The following FAM13A variants were observed in gnomAD, a reference collection of about 807,000 sequenced individuals.
The protein encoded by FAM13A is protein FAM13A.
A neutral mutation model predicts 129.6 loss-of-function variants in FAM13A; 76 were observed. The ratio of observed to expected loss-of-function variants is 0.59; its 90% confidence interval spans 0.49 to 0.71. FAM13A has a LOEUF of 0.71. Among genes scored for constraint, FAM13A ranks in the 30% least tolerant of loss-of-function variants. FAM13A has a pLI of 0.00. For synonymous variants in FAM13A, 443 were observed against 449.9 expected (o/e 0.98, Z 0.20); for missense variants, 1,108 against 1,249.3 (o/e 0.89, Z 1.70).
At chr4:88,949,785 C>G (rs1269026077) in intron 4 of FAM13A, among the ~76,000 whole-genome samples, 1 of 152,146 alleles carries the variant, frequency 6.6e-6, no homozygotes, top group African/African-American at 2.4e-5. Flanking sequence ...TCCAGGAACT[C>G]AATTTATATT....
At chr4:88,823,095 T>C in intron 7 of FAM13A, 1 of 1,590,724 alleles carries the variant, frequency 6.3e-7, no homozygotes, top group Admixed American at 1.8e-5. Context: ...TTACAGTGGC[T>C]AAGCTGGGTT....
intron 3 of FAM13A, among the ~76,000 whole-genome samples, chr4:89,002,852 T>C (rs1181654082): frequency 2.0e-5 from 3 of 151,998 alleles, no homozygotes; most frequent in African/African-American, 7.3e-5. Context: ...GAGTATGGTG[T>C]TTTGCAAGAG....
Position 88,726,292 on chromosome 4 carries a change from A to G in FAM13A, c.*2241T>C, listed in dbSNP as rs916857981. 1.5e-5 allele frequency: 2 copies of G among 130,586 alleles called. No homozygotes were observed. The highest frequency in any genetic ancestry group is 6.4e-5 in the African/African-American group (2 of 31,466). The allele number at this position is 130,586 out of a possible 1,614,324, so 8.1% of individuals were successfully genotyped here. On this transcript the variant is annotated 3_prime_UTR_variant, in exon 24 of 24. Coordinates refer to ENST00000264344, the MANE Select transcript of FAM13A (RefSeq NM_014883.4). ...CATTTCTTCTGGGCTCCATTCCATG[A>G]AGAATATAAGTTAGTTAGTTAGTTA...
At chr4:89,031,261 C>T (rs555473836) in intron 1 of FAM13A, among the ~76,000 whole-genome samples, 5 of 151,880 alleles carry the variant, frequency 3.3e-5, no homozygotes, top group African/African-American at 1.2e-4. Flanking sequence ...CCAGTAATAA[C>T]AAAACTTAAA....
At chr4:88,763,788 C>A (rs73844103) in intron 13 of FAM13A, among the ~76,000 whole-genome samples, 1 of 152,110 alleles carries the variant, frequency 6.6e-6, no homozygotes, top group African/African-American at 2.4e-5. Context: ...CAATATTAAC[C>A]GAAGAACTAC....
chr4:88,822,067 TATTTG>T (rs1170666366), intron 7 of FAM13A, among the ~76,000 whole-genome samples: 2 of 152,250 alleles, frequency 1.3e-5, no homozygotes, highest in African/African-American at 4.8e-5. Flanking sequence ...CCACATTTAC[TATTTG>T]ATTTAAAATT....
intron 4 of FAM13A, among the ~76,000 whole-genome samples, chr4:88,939,395 T>C (rs1306713003): frequency 6.6e-6 from 1 of 152,144 alleles, no homozygotes; most frequent in Non-Finnish European, 1.5e-5. Context: ...ACCCCATTCT[T>C]ATAAGGATAC....
At chr4:88,913,185 AGGAG>A (rs765167837) in intron 5 of FAM13A, among the ~76,000 whole-genome samples, 10 of 139,460 alleles carry the variant, frequency 7.2e-5, no homozygotes, top group Non-Finnish European at 1.6e-4. Flanking sequence ...GAAGAAGTGG[AGGAG>A]GAAGAGGAAG....
At chr4:88,846,291 T>C (rs1736630973) in intron 7 of FAM13A, among the ~76,000 whole-genome samples, 1 of 152,222 alleles carries the variant, frequency 6.6e-6, no homozygotes, top group East Asian at 1.9e-4. Context: ...TTCCAAGATG[T>C]TTCAGCTTCT....
chr4:88,909,244 A>G (rs1278257916), intron 5 of FAM13A, among the ~76,000 whole-genome samples: 3 of 152,190 alleles, frequency 2.0e-5, no homozygotes, highest in Non-Finnish European at 4.4e-5. Flanking sequence ...TAGTCACATA[A>G]TAGAATATTC....
intron 4 of FAM13A, among the ~76,000 whole-genome samples, chr4:88,973,492 T>C (rs1293051535): frequency 6.6e-6 from 1 of 152,210 alleles, no homozygotes; most frequent in Non-Finnish European, 1.5e-5. Flanking sequence ...ATTTCTAGCA[T>C]TGCTTTTGGT....
intron 4 of FAM13A, among the ~76,000 whole-genome samples, chr4:88,938,992 G>C (rs1298349606): frequency 6.6e-6 from 1 of 152,132 alleles, no homozygotes; most frequent in Admixed American, 6.5e-5. Flanking sequence ...CTTATGAAAA[G>C]ATACTTAGCT....
intron 6 of FAM13A, among the ~76,000 whole-genome samples, chr4:88,871,313 TAGGCTTCAGA>T (rs1475024900): frequency 6.6e-6 from 1 of 152,284 alleles, no homozygotes; most frequent in East Asian, 1.9e-4. Context: ...TTGACAGAAG[TAGGCTTCAGA>T]AGGTCAGTAA....
intron 8 of FAM13A, among the ~76,000 whole-genome samples, chr4:88,796,901 C>A (rs1281443519): frequency 6.6e-6 from 1 of 151,976 alleles, no homozygotes; most frequent in African/African-American, 2.4e-5. Context: ...ATGCACAATT[C>A]TACTATGGTT....
chr4:88,924,204 T>C (rs1266812966), intron 5 of FAM13A, among the ~76,000 whole-genome samples: 1 of 152,166 alleles, frequency 6.6e-6, no homozygotes, highest in Non-Finnish European at 1.5e-5. Context: ...AAAAAACTAC[T>C]TTAAAGTTCA....
chr4:88,902,544 T>G (rs1340687539), intron 6 of FAM13A, among the ~76,000 whole-genome samples: 1 of 151,820 alleles, frequency 6.6e-6, no homozygotes, highest in Non-Finnish European at 1.5e-5. Flanking sequence ...AAGGGGCCTT[T>G]GATAAAATTC....
chr4:89,039,634 T>C (rs1243947178), intron 1 of FAM13A, among the ~76,000 whole-genome samples: 1 of 152,150 alleles, frequency 6.6e-6, no homozygotes, highest in Non-Finnish European at 1.5e-5. Context: ...TGGTGGCTCA[T>C]GCCTGTAATG....
At chr4:88,846,652 A>G (rs11932513) in intron 7 of FAM13A, among the ~76,000 whole-genome samples, 12,611 of 152,264 alleles carry the variant, frequency 0.083, 876 homozygotes, top group African/African-American at 0.19. Flanking sequence ...CTTTGTTTGC[A>G]TTTGTATTTG....
At chr4:88,781,888 C>T (rs762866644) in intron 10 of FAM13A, among the ~76,000 whole-genome samples, 22 of 150,542 alleles carry the variant, frequency 1.5e-4, no homozygotes, top group African/African-American at 3.4e-4. Flanking sequence ...ATACCTAATG[C>T]TAAATGACGA....
Sources: allele counts gnomAD v4.1 joint callset (sites outside exome capture counted in the v4.1 genomes callset), GRCh38; gene constraint gnomAD v4.1.1; transcripts MANE v1.5; gene names NCBI Gene and HGNC (gene_info 2026-07-23, HGNC 2026-07-21).